USP30: variants seen among roughly 807,000 people sequenced by gnomAD.
USP30 encodes ubiquitin carboxyl-terminal hydrolase 30.
USP30 carries 41 observed loss-of-function variants against 68.2 expected under a neutral mutation model. The ratio of observed to expected loss-of-function variants is 0.60; its 90% CI spans 0.47 to 0.78. USP30 has a LOEUF of 0.78. USP30 is among the 30% of genes least tolerant of loss of function. The pLI, the probability that USP30 is intolerant of heterozygous loss-of-function variation, is 0.00. For synonymous variants in USP30, 229 were observed against 253.7 expected (o/e 0.90, Z 0.93); for missense variants, 522 against 649.4 (o/e 0.80, Z 2.13).
At chr12:109,080,216 C>A (rs541070839) in intron 7 of USP30, among the ~76,000 whole-genome samples, 73 of 152,294 alleles carry the variant, frequency 4.8e-4, no homozygotes, top group Middle Eastern at 6.8e-3. Context: ...CTGGCATTTC[C>A]CCTGGTCTCT....
chr12:109,067,784 C>T (rs2041307713), intron 4 of USP30, among the ~76,000 whole-genome samples, 157 bp downstream of exon 4: 1 of 152,178 alleles, frequency 6.6e-6, no homozygotes, highest in Non-Finnish European at 1.5e-5. Context: ...TTCCTGCTCT[C>T]ATGATCAGAG....
chr12:109,050,300 A>AAAC (rs1157953398), upstream of USP30, among the ~76,000 whole-genome samples: 3 of 152,204 alleles, frequency 2.0e-5, no homozygotes, highest in African/African-American at 4.8e-5. Context: ...TCTCAAAAAC[A>AAAC]AACAACAACA....
intron 3 of USP30, among the ~76,000 whole-genome samples, chr12:109,041,378 T>C (rs2040563320): frequency 6.6e-6 from 1 of 152,160 alleles, no homozygotes; most frequent in Non-Finnish European, 1.5e-5. Flanking sequence ...GGCTCACTCA[T>C]GTAATCCCAG....
intron 3 of USP30, among the ~76,000 whole-genome samples, chr12:109,062,977 A>G (rs1484320552): frequency 6.6e-6 from 1 of 152,244 alleles, no homozygotes; most frequent in East Asian, 1.9e-4. Context: ...GATGTACCTC[A>G]TTAAGCGGAC....
At chr12:109,075,172 T>G (rs2041559346) in intron 7 of USP30, among the ~76,000 whole-genome samples, 1 of 152,248 alleles carries the variant, frequency 6.6e-6, no homozygotes, top group Non-Finnish European at 1.5e-5. Context: ...TTTGCAGATG[T>G]ATCTTTGAGA....
Position 109,046,737 on chromosome 12 carries a change from C to T in USP30, c.-135-853C>T, listed in dbSNP as rs138947322. Among the ~76,000 whole-genome samples the T allele has an allele frequency of 1.6e-4, 25 of 151,878 alleles. No individual in the cohort carries two copies. The East Asian group carries it at 3.9e-3, about 24-fold the overall frequency. On this transcript the variant is annotated intron_variant, in intron 3 of 15. Transcript: ENST00000392784. ...GTTGAAATGGAGTCTCACTTTGTCG[C>T]CCAGGCTGGAGTGCAGTAGTGCGAT...
intron 7 of USP30, among the ~76,000 whole-genome samples, chr12:109,075,261 G>A (rs2041560714): frequency 6.6e-6 from 1 of 152,134 alleles, no homozygotes; most frequent in South Asian, 2.1e-4. Flanking sequence ...TTAACTTTTT[G>A]AGGAACCTTC....
Position 109,085,735 on chromosome 12 carries a change from T to C in USP30, c.1358T>C (p.Phe453Ser). ...CATGGAGACATGCACTCTGGACACT[T>C]TGTCACTTACCGACGGTCCCCACCT... is the stretch of plus-strand genomic sequence containing the variant. Reference protein sequence around the residue: ...VHHGDMHSGHFVTYRRSPPSA... With the variant: ...VHHGDMHSGHSVTYRRSPPSA... The change falls in exon 13 of 13, where the codon TTT becomes TCT. Residue 453 changes from phenylalanine (F) to serine (S), a missense_variant. Coordinates refer to ENST00000257548, the MANE Select transcript of USP30 (RefSeq NM_032663.5). 6.2e-7 allele frequency: 1 copy of C among 1,614,246 alleles called. No homozygotes were observed. The highest frequency in any genetic ancestry group is 8.5e-7 in the Non-Finnish European group (1 of 1,180,040).
intron 7 of USP30, among the ~76,000 whole-genome samples, chr12:109,074,375 G>T (rs967623180): frequency 6.6e-6 from 1 of 152,166 alleles, no homozygotes; most frequent in Non-Finnish European, 1.5e-5. Context: ...TTTCACTTCA[G>T]TTGGGTATAT....
chr12:109,029,784 G>A lies in USP30; in HGVS notation c.-136+2228G>A, dbSNP rs545491036. Among the ~76,000 whole-genome samples the A allele has an allele frequency of 4.6e-4, 70 of 152,282 alleles. 3 individuals carry two copies. The South Asian group carries it at 0.014, about 32-fold the overall frequency. Reference sequence around the variant, plus strand: ...TCCTACTCTGTCAGACAGGGCATATGGCAGTCCATAACAGAGAACACAGCT... The same window carrying A: ...TCCTACTCTGTCAGACAGGGCATATAGCAGTCCATAACAGAGAACACAGCT... On this transcript the variant is annotated intron_variant, in intron 3 of 15. Coordinates refer to the USP30 transcript ENST00000392784.
At position 109,086,441 on chromosome 12, in the gene USP30, C is replaced by A. The variant is rs2041949891; in HGVS notation, c.*510C>A. 6.5e-6 allele frequency: 1 copy of A among 154,716 alleles called. No individual in the cohort carries two copies. The highest frequency in any genetic ancestry group is 2.4e-5 in the African/African-American group (1 of 41,452). The allele number at this position is 154,716 out of a possible 1,614,324, so 9.6% of individuals were successfully genotyped here. On this transcript the variant is annotated 3_prime_UTR_variant, in exon 13 of 13. Transcript: ENST00000257548. ...TCCATTGTGAAATATTCCTTCCAGG[C>A]TACTCAAAGGATAGCAAGAGAACAG...
At chr12:109,067,233 C>T (rs576202577) in intron 3 of USP30, among the ~76,000 whole-genome samples, 2 of 151,108 alleles carry the variant, frequency 1.3e-5, no homozygotes, top group Non-Finnish European at 2.9e-5. Flanking sequence ...CCTGCCTCAG[C>T]CTCCCGAGTA....
chr12:109,071,540 C>G (rs985974400), intron 4 of USP30, 72 bp from the exon 5 acceptor site: 2 of 1,285,230 alleles, frequency 1.6e-6, no homozygotes, highest in African/African-American at 2.9e-5. Context: ...AGGGTGTCTG[C>G]CCGAGGTGGG....
At chr12:109,073,405 A>G in intron 6 of USP30, 33 bp from the exon 7 acceptor site, 1 of 1,505,918 alleles carries the variant, frequency 6.6e-7, no homozygotes, top group Admixed American at 1.7e-5. Context: ...AAAGGGCTAA[A>G]AGTGACATAT....
chr12:109,069,935 T>C (rs1224853412), intron 4 of USP30, among the ~76,000 whole-genome samples: 1 of 151,990 alleles, frequency 6.6e-6, no homozygotes, highest in East Asian at 1.9e-4. Flanking sequence ...TGGAGATGGT[T>C]ATAAAGCTGC....
Position 109,082,873 on chromosome 12 carries a change from C to A in USP30, c.979C>A (p.Arg327=). The change falls in exon 11 of 13, where the codon CGG becomes AGG. Residue 327 remains arginine (R), a synonymous_variant. Transcript: ENST00000257548. ...TCAGTGTCTCTGCATCCACCTACAG[C>A]GGCTGAGCTGGTCCAGCCACGGCAC... ...LPQCLCIHLQ[R]LSWSSHGTPL... 1.9e-6 allele frequency: 3 copies of A among 1,614,138 alleles called. No individual in the cohort carries two copies. The highest frequency in any genetic ancestry group is 2.5e-6 in the Non-Finnish European group (3 of 1,179,974).
chr12:109,058,369 A>G (rs10774825), intron 3 of USP30, among the ~76,000 whole-genome samples: 122,297 of 152,060 alleles, frequency 0.8, 49,429 homozygotes, highest in East Asian at 1. Context: ...AGGAGTTCGA[A>G]ACCAGCCTGA....
intron 7 of USP30, among the ~76,000 whole-genome samples, chr12:109,076,732 C>CT (rs71079520): frequency 0.77 from 95,781 of 124,708 alleles, 37,300 homozygotes; most frequent in East Asian, 0.96. Context: ...TTGATTTTTT[C>CT]TTTTTTTTTT....
rs1019943589 is a variant in USP30 at position 109,052,608 on chromosome 12, C to A, written c.-71C>A. The A allele has an allele frequency of 1.4e-6, 2 of 1,392,454 alleles. No homozygotes were observed. The highest frequency in any genetic ancestry group is 1.5e-5 in the African/African-American group (1 of 65,668). The allele number at this position is 1,392,454 out of a possible 1,614,324, so 86.3% of individuals were successfully genotyped here. A position where few individuals can be genotyped will look rare whatever the true frequency, so the allele number is the denominator to read the frequency against. On this transcript the variant is annotated 5_prime_UTR_variant, in exon 1 of 13. Transcript: ENST00000257548. Reference sequence around the variant, plus strand: ...CAGGTTCCGCTGTCTCGGGAACCGTCGTATCCCTCGGTCCGGCGGCGGCGG... The same window carrying A: ...CAGGTTCCGCTGTCTCGGGAACCGTAGTATCCCTCGGTCCGGCGGCGGCGG...
Sources: allele counts gnomAD v4.1 joint callset (sites outside exome capture counted in the v4.1 genomes callset), GRCh38; gene constraint gnomAD v4.1.1; transcripts MANE v1.5; gene names NCBI Gene and HGNC (gene_info 2026-07-23, HGNC 2026-07-21).